The following MEGF10 variants were observed in gnomAD, a reference collection of about 807,000 sequenced individuals.
The protein encoded by MEGF10 is multiple epidermal growth factor-like domains protein 10.
MEGF10 carries 86 observed loss-of-function variants against 147.5 expected under a neutral mutation model. The ratio of observed to expected loss-of-function variants is 0.58; its 90% CI spans 0.49 to 0.70. The LOEUF is 0.70. Ranked by LOEUF, MEGF10 falls within the 30% of genes least tolerant of loss-of-function variation. The pLI, the probability that MEGF10 is intolerant of heterozygous loss-of-function variation, is 0.00. For missense variants in MEGF10, 1,329 were observed against 1,487.3 expected (o/e 0.89, Z 1.75); for synonymous variants, 478 against 525.5 (o/e 0.91, Z 1.24).
At chr5:127,378,831 A>G (rs1561605686) in intron 5 of MEGF10, among the ~76,000 whole-genome samples, 1 of 151,954 alleles carries the variant, frequency 6.6e-6, no homozygotes, top group Non-Finnish European at 1.5e-5. Context: ...AAGACCTAGT[A>G]AAGTTTTATT....
At chr5:127,331,160 A>G (rs1478686805) in intron 1 of MEGF10, 131 bp from the exon 2 acceptor site, 7 of 573,990 alleles carry the variant, frequency 1.2e-5, no homozygotes, top group South Asian at 6.9e-5. Context: ...TGACCTGGCT[A>G]TTGAAATACA....
intron 1 of MEGF10, among the ~76,000 whole-genome samples, chr5:127,326,733 C>G (rs1315161806): frequency 6.6e-6 from 1 of 152,098 alleles, no homozygotes; most frequent in Non-Finnish European, 1.5e-5. Context: ...TGAAAAGTGG[C>G]TATTCTTAAT....
Position 127,372,336 on chromosome 5 carries a change from T to C in MEGF10, c.412+2334T>C, listed in dbSNP as rs1278460052. ...TTATTTGGGAACACTTTTAGACTTA[T>C]AGAAAAGTTGCAAAGATAGTACAGA... On this transcript the variant is annotated intron_variant, in intron 5 of 24. Transcript: ENST00000503335. 3.9e-5 allele frequency among the ~76,000 whole-genome samples: 6 copies of C among 152,198 alleles called. No individual in the cohort carries two copies. The East Asian group carries it at 5.8e-4, about 15-fold the overall frequency.
At chr5:127,339,865 GC>G (rs1761613911) in intron 3 of MEGF10, among the ~76,000 whole-genome samples, 1 of 152,038 alleles carries the variant, frequency 6.6e-6, no homozygotes, top group Non-Finnish European at 1.5e-5. Flanking sequence ...AGCATTTCCC[GC>G]CTGTCACATT....
intron 17 of MEGF10, 102 bp from the exon 18 acceptor site, chr5:127,440,637 C>T: frequency 3.3e-6 from 4 of 1,217,144 alleles, no homozygotes; most frequent in Non-Finnish European, 3.5e-6. Flanking sequence ...TCTGATGGCT[C>T]AGTGTCATTC....
Position 127,385,418 on chromosome 5 carries a change from A to G in MEGF10, c.413-11114A>G, listed in dbSNP as rs6874897. Among the ~76,000 whole-genome samples, 327 of 152,150 alleles carry G rather than the reference A, an allele frequency of 2.1e-3. 3 individuals carry two copies. The highest frequency in any genetic ancestry group is 7.6e-3 in the African/African-American group (317 of 41,504). ...CCTCCTGAGTGCTGGGATTACAGGT[A>G]CGCACCACCATGCCTGGCTAATTTT... On this transcript the variant is annotated intron_variant, in intron 5 of 24. Transcript: ENST00000503335.
intron 17 of MEGF10, among the ~76,000 whole-genome samples, chr5:127,439,659 C>G (rs895227287): frequency 1.3e-5 from 2 of 152,118 alleles, no homozygotes; most frequent in Non-Finnish European, 2.9e-5. Context: ...AAGAGAGAAC[C>G]CTTTTTCAAG....
At chr5:127,351,098 TAGTC>T (rs1262378803) in intron 4 of MEGF10, among the ~76,000 whole-genome samples, 1 of 152,180 alleles carries the variant, frequency 6.6e-6, no homozygotes, top group Admixed American at 6.5e-5. Context: ...AGGGTGATTA[TAGTC>T]AGTAATAATT....
rs1422318 is a variant in MEGF10 at position 127,370,228 on chromosome 5, G to T, written c.412+226G>T. Among the ~76,000 whole-genome samples the T allele has an allele frequency of 7.2e-5, 11 of 152,156 alleles. No individual in the cohort carries two copies. In the South Asian group the frequency reaches 1.7e-3, roughly 23 times the overall value. ...AGTTCTTGGAAAGAAGGAAATTTCA[G>T]TGATCATACAACAGCTCATACTTCT... On this transcript the variant is annotated intron_variant, in intron 5 of 24. Coordinates refer to ENST00000503335, the MANE Select transcript of MEGF10 (RefSeq NM_001256545.2).
chr5:127,247,404 GA>G, the MEGF10 span, among the ~76,000 whole-genome samples: 175 of 60,434 alleles, frequency 2.9e-3, 27 homozygotes, highest in African/African-American at 0.014. Context: ...AGAAGAAGAA[GA>G]AGAAGAAGAA....
chr5:127,397,010 C>T (rs1193277672), intron 6 of MEGF10, among the ~76,000 whole-genome samples: 1 of 152,190 alleles, frequency 6.6e-6, no homozygotes, highest in Non-Finnish European at 1.5e-5. Flanking sequence ...AGCTTCCATG[C>T]TTTCCTTCTA....
intron 12 of MEGF10, 37 bp downstream of exon 12, chr5:127,420,244 T>G: frequency 6.2e-7 from 1 of 1,603,156 alleles, no homozygotes; most frequent in Middle Eastern, 1.7e-4. Context: ...AAAACGCCTA[T>G]GAGGAACTGA....
At chr5:127,366,124 C>T (rs1440686129) in intron 4 of MEGF10, among the ~76,000 whole-genome samples, 1 of 151,792 alleles carries the variant, frequency 6.6e-6, no homozygotes, top group East Asian at 1.9e-4. Context: ...GGAGGTAAGA[C>T]CAAGGTAGTA....
At chr5:127,328,632 T>C (rs182841132) in intron 1 of MEGF10, among the ~76,000 whole-genome samples, 1 of 152,222 alleles carries the variant, frequency 6.6e-6, no homozygotes, top group Non-Finnish European at 1.5e-5. Context: ...GGGACTTTGA[T>C]TCATGGCTTG....
At chr5:127,302,568 C>A (rs879879942) in intron 1 of MEGF10, among the ~76,000 whole-genome samples, 2 of 152,120 alleles carry the variant, frequency 1.3e-5, no homozygotes, top group Admixed American at 1.3e-4. Flanking sequence ...GGTTGCACAA[C>A]AGGGTTAAAA....
In MEGF10 at chr5:127,356,281, C is replaced by G. The variant is rs374470490; in HGVS notation, c.320-13629C>G. Among the ~76,000 whole-genome samples, 9 of 152,314 alleles carry G rather than the reference C, an allele frequency of 5.9e-5. No homozygotes were observed. The South Asian group carries it at 1.7e-3, about 28-fold the overall frequency. On this transcript the variant is annotated intron_variant, in intron 4 of 24. Transcript: ENST00000503335. ...CCATCTGGGCCACACACAAGAGATG[C>G]TAAAGGAGGGAGAGATTGATGCGCT...
chr5:127,327,441 C>T (rs1761081605), intron 1 of MEGF10, among the ~76,000 whole-genome samples: 1 of 151,984 alleles, frequency 6.6e-6, no homozygotes, highest in Non-Finnish European at 1.5e-5. Flanking sequence ...CACTGCATTG[C>T]CTTTGTTTTC....
At chr5:127,339,921 A>G (rs1173378998) in intron 3 of MEGF10, among the ~76,000 whole-genome samples, 2 of 152,178 alleles carry the variant, frequency 1.3e-5, no homozygotes, top group Non-Finnish European at 2.9e-5. Flanking sequence ...GCATGTAATC[A>G]TTACCTGCCA....
At chr5:127,237,087 A>G in the MEGF10 span, among the ~76,000 whole-genome samples, 1 of 152,136 alleles carries the variant, frequency 6.6e-6, no homozygotes, top group African/African-American at 2.4e-5. Context: ...GCAGTAAGAT[A>G]TTTTTCCATT....
Sources: gnomAD v4.1 joint callset for allele counts (sites outside exome capture counted in the v4.1 genomes callset) on GRCh38, gnomAD v4.1.1 for gene constraint, MANE v1.5 for transcripts, NCBI Gene and HGNC (gene_info 2026-07-23, HGNC 2026-07-21) for gene names.